ARID4B: variants seen among roughly 807,000 people sequenced by gnomAD.
ARID4B encodes AT-rich interaction domain 4B, also known as AT-rich interactive domain-containing protein 4B.
In ARID4B, 26 loss-of-function variants were observed where a neutral mutation model predicts 147.5. The observed-to-expected ratio is 0.18, with a 90% CI of 0.13 to 0.24. The LOEUF (loss-of-function observed/expected upper bound fraction) is 0.24, where lower values mean the gene tolerates loss of function less well. ARID4B is among the 10% of genes least tolerant of loss of function. The pLI is 1.00. For synonymous variants in ARID4B, 512 were observed against 507.9 expected (o/e 1.01, Z -0.11); for missense variants, 1,179 against 1,511.5 (o/e 0.78, Z 3.65).
chr1:235,236,439 C>T lies in ARID4B; in HGVS notation c.586-1947G>A, dbSNP rs779413226. Among the ~76,000 whole-genome samples, 7 of 151,886 alleles carry T rather than the reference C, an allele frequency of 4.6e-5. No homozygotes were observed. In the Middle Eastern group the frequency reaches 0.014, roughly 295 times the overall value. ...AGAAGCTTAAATTAATAACTCAAAA[C>T]ACTAATATTAAAAAATTTAATGTTC... On this transcript the variant is annotated intron_variant, in intron 8 of 23. Coordinates refer to ENST00000264183, the MANE Select transcript of ARID4B (RefSeq NM_016374.6).
chr1:235,245,314 G>A (rs915225640), intron 7 of ARID4B, among the ~76,000 whole-genome samples: 3 of 152,110 alleles, frequency 2.0e-5, no homozygotes, highest in Non-Finnish European at 4.4e-5. Flanking sequence ...AACAGTTGGG[G>A]AACGACAGAA....
intron 2 of ARID4B, among the ~76,000 whole-genome samples, chr1:235,308,874 T>C (rs1043968781): frequency 6.6e-6 from 1 of 152,196 alleles, no homozygotes; most frequent in African/African-American, 2.4e-5. Flanking sequence ...GTGCCGAGAG[T>C]GCAGCCTCTG....
intron 2 of ARID4B, among the ~76,000 whole-genome samples, chr1:235,320,066 G>A (rs1674713978): frequency 6.6e-6 from 1 of 151,860 alleles, no homozygotes; most frequent in African/African-American, 2.4e-5. Flanking sequence ...GGCAGAGGTT[G>A]CAGTGAGCCG....
Position 235,260,763 on chromosome 1 carries a change from A to C in ARID4B, c.7-11T>G, listed in dbSNP as rs1348098314. The C allele has an allele frequency of 6.5e-7, 1 of 1,546,036 alleles. No homozygotes were observed. Among genetic ancestry groups the C allele is most frequent in the Non-Finnish European group, 8.9e-7 (1 of 1,125,120 alleles). On this transcript the variant is annotated splice_polypyrimidine_tract_variant and intron_variant, in intron 2 of 23. Coordinates refer to ENST00000264183, the MANE Select transcript of ARID4B (RefSeq NM_016374.6). ...AGGCTCATCAAGGGCCTAAAAATGC[A>C]AAGAAATATAATTAGATTTAAACTC...
chr1:235,252,436 C>A (rs530085405), intron 6 of ARID4B, among the ~76,000 whole-genome samples: 1 of 152,086 alleles, frequency 6.6e-6, no homozygotes, highest in Non-Finnish European at 1.5e-5. Context: ...AATCTGTTTT[C>A]TAGTTATTTA....
intron 2 of ARID4B, among the ~76,000 whole-genome samples, chr1:235,264,966 A>G (rs536075254): frequency 6.6e-6 from 1 of 151,590 alleles, no homozygotes; most frequent in East Asian, 1.9e-4. Context: ...AGGCTGAGGC[A>G]GAAGAATCGC....
chr1:235,249,935 T>C (rs1307089943), intron 6 of ARID4B, among the ~76,000 whole-genome samples: 1 of 112,094 alleles, frequency 8.9e-6, no homozygotes, highest in Non-Finnish European at 1.8e-5. Context: ...AGAGACTCCA[T>C]CTCAAAAAAA....
intron 12 of ARID4B, 122 bp from the exon 13 acceptor site, chr1:235,223,382 T>TATATACACGTATATATATATATACAC (rs71172272): frequency 3.3e-5 from 7 of 214,214 alleles, no homozygotes; most frequent in South Asian, 1.4e-4. Context: ...TATATATATA[T>TATATACACGTATATATATATATACAC]ACACGTATAT....
chr1:235,199,471 T>C (rs1446891102), intron 17 of ARID4B, among the ~76,000 whole-genome samples: 1 of 152,236 alleles, frequency 6.6e-6, no homozygotes, highest in Non-Finnish European at 1.5e-5. Flanking sequence ...CTTAAAAATT[T>C]ATCAGGGCCT....
In ARID4B at chr1:235,168,427, T is replaced by C. The variant is rs1378461559; in HGVS notation, c.*98A>G. The C allele has an allele frequency of 7.5e-7, 1 of 1,340,556 alleles. No individual in the cohort carries two copies. The highest frequency in any genetic ancestry group is 9.9e-7 in the Non-Finnish European group (1 of 1,013,884). 83.0% of individuals were successfully genotyped at this position (1,340,556 alleles called of 1,614,324 possible). Reference sequence around the variant, plus strand: ...CAAGAAACAATTTTTAAATATAAAATAGTGCTTGTCTGATATTTTTTTGTG... The same window carrying C: ...CAAGAAACAATTTTTAAATATAAAACAGTGCTTGTCTGATATTTTTTTGTG... On this transcript the variant is annotated 3_prime_UTR_variant, in exon 24 of 24. Coordinates refer to ENST00000264183, the MANE Select transcript of ARID4B (RefSeq NM_016374.6).
chr1:235,214,772 G>A (rs1396762699), intron 16 of ARID4B, among the ~76,000 whole-genome samples: 3 of 144,714 alleles, frequency 2.1e-5, no homozygotes, highest in Non-Finnish European at 4.6e-5. Flanking sequence ...GAAATAGACA[G>A]ATGAGAGGCC....
intron 16 of ARID4B, among the ~76,000 whole-genome samples, chr1:235,217,900 C>A (rs192667400): frequency 6.6e-6 from 1 of 152,116 alleles, no homozygotes; most frequent in Admixed American, 6.6e-5. Flanking sequence ...TGCCTGAAAC[C>A]GTGGATAGTA....
At chr1:235,316,100 T>A (rs1674407904) in intron 2 of ARID4B, among the ~76,000 whole-genome samples, 1 of 152,172 alleles carries the variant, frequency 6.6e-6, no homozygotes, top group South Asian at 2.1e-4. Flanking sequence ...TTTTGGAAAT[T>A]ATTTTATAAA....
At chr1:235,292,083 G>A (rs2103214159) in intron 2 of ARID4B, among the ~76,000 whole-genome samples, 1 of 152,242 alleles carries the variant, frequency 6.6e-6, no homozygotes, top group Non-Finnish European at 1.5e-5. Context: ...ATTAAACTAG[G>A]ATATTTGGAC....
At chr1:235,303,551 C>T (rs1170245322) in intron 2 of ARID4B, among the ~76,000 whole-genome samples, 2 of 152,016 alleles carry the variant, frequency 1.3e-5, no homozygotes, top group African/African-American at 2.4e-5. Context: ...TAGTGAGATC[C>T]CATCTCTAAA....
chr1:235,254,191 C>T (rs1429141232), intron 5 of ARID4B, among the ~76,000 whole-genome samples: 1 of 152,020 alleles, frequency 6.6e-6, no homozygotes, highest in Non-Finnish European at 1.5e-5. Flanking sequence ...ATAATTTTCC[C>T]TCTATTTTCA....
intron 2 of ARID4B, among the ~76,000 whole-genome samples, chr1:235,265,319 T>C (rs542309609): frequency 1.3e-5 from 2 of 152,042 alleles, no homozygotes; most frequent in East Asian, 1.9e-4. Flanking sequence ...TGAGTCAAGA[T>C]TGTGCCATTG....
chr1:235,220,934 G>C (rs982515623), intron 14 of ARID4B, among the ~76,000 whole-genome samples: 2 of 151,148 alleles, frequency 1.3e-5, no homozygotes, highest in African/African-American at 4.9e-5. Context: ...GCCTTACTCT[G>C]TTGCCCAGGC....
intron 19 of ARID4B, among the ~76,000 whole-genome samples, chr1:235,192,715 C>A (rs549463212): frequency 6.6e-6 from 1 of 152,176 alleles, no homozygotes; most frequent in African/African-American, 2.4e-5. Context: ...CCCTTCCCTG[C>A]CAGTCAGATT....
Sources: allele counts gnomAD v4.1 joint callset (sites outside exome capture counted in the v4.1 genomes callset), GRCh38; gene constraint gnomAD v4.1.1; transcripts MANE v1.5; gene names NCBI Gene and HGNC (gene_info 2026-07-23, HGNC 2026-07-21).